Variants in SEMA4F observed in about 807,000 individuals in gnomAD.
SEMA4F encodes the protein ssemaphorin 4F, also known as semaphorin-4F.
In SEMA4F, 51 loss-of-function variants were observed where a neutral mutation model predicts 78.4. That is an observed-to-expected ratio of 0.65 (90% confidence interval 0.52 to 0.82). SEMA4F has a LOEUF of 0.82. Among genes scored for constraint, SEMA4F ranks in the 40% least tolerant of loss-of-function variants. The pLI, the probability that SEMA4F is intolerant of heterozygous loss-of-function variation, is 0.00. For synonymous variants in SEMA4F, 418 were observed against 408.7 expected, an observed-to-expected ratio of 1.02 and a Z score of -0.27; for missense variants, 938 against 1,014.4, an observed-to-expected ratio of 0.92 and a Z score of 1.02.
At chr2:74,666,412 C>CT (rs75081488) in intron 5 of SEMA4F, among the ~76,000 whole-genome samples, 125 of 143,266 alleles carry the variant, frequency 8.7e-4, no homozygotes, top group East Asian at 1.2e-3. Flanking sequence ...GGTTTTAAGT[C>CT]TTTTTTTTTT....
chr2:74,655,810 C>T (rs1169907263), intron 1 of SEMA4F, among the ~76,000 whole-genome samples: 1 of 151,984 alleles, frequency 6.6e-6, no homozygotes, highest in African/African-American at 2.4e-5. Flanking sequence ...GGGCGGGACT[C>T]ATCAGTACAT....
At chr2:74,688,277 T>C (rs1025171118), downstream of SEMA4F, among the ~76,000 whole-genome samples, 2 of 152,096 alleles carry the variant, frequency 1.3e-5, no homozygotes, top group Admixed American at 6.5e-5. Context: ...CTTCCTAGAG[T>C]GGAGTGGTGT....
chr2:74,665,745 A>G (rs1684659383), intron 5 of SEMA4F, among the ~76,000 whole-genome samples: 1 of 152,158 alleles, frequency 6.6e-6, no homozygotes, highest in Admixed American at 6.5e-5. Flanking sequence ...TTTTTAATCA[A>G]CATCTTTGAT....
At chr2:74,695,488 T>C in the SEMA4F span, among the ~76,000 whole-genome samples, 3 of 152,192 alleles carry the variant, frequency 2.0e-5, no homozygotes, top group East Asian at 5.8e-4. Flanking sequence ...CCTCTACCCA[T>C]GGATTTCTGT....
In SEMA4F at chr2:74,654,540, C is replaced by T. The variant is rs895121015; in HGVS notation, c.145+19C>T. 3.3e-6 allele frequency: 5 copies of T among 1,530,840 alleles called. No homozygotes were observed. In the African/African-American group the frequency reaches 7.1e-5, roughly 22 times the overall value. The allele number at this position is 1,530,840 out of a possible 1,614,324, so 94.8% of individuals were successfully genotyped here. On this transcript the variant is annotated intron_variant, in intron 1 of 13. Transcript: ENST00000357877. ...ATCTCTGGTAAGGCGCGGACGCCCA[C>T]GCCCTCAGCCCTTCGCGCCCACACC...
At position 74,673,811 on chromosome 2, in the gene SEMA4F, G is replaced by T; in HGVS notation, c.805G>T (p.Val269Leu). ...DSYERIKVPR[V>L]ARVCAGDLGG... ...ATACGAGCGCATTAAAGTCCCACGG[G>T]TGGCCCGTGTGTGTGCGGTGAGACC... Residue 269 changes from valine to leucine, a missense_variant, in exon 7 of 14, where the codon GTG becomes TTG. Val to Leu is a conservative substitution (Grantham distance 32). Coordinates refer to ENST00000357877, the MANE Select transcript of SEMA4F (RefSeq NM_004263.5). The T allele has an allele frequency of 1.2e-6, 2 of 1,613,840 alleles. No individual in the cohort carries two copies. Among genetic ancestry groups the T allele is most frequent in the Non-Finnish European group, 1.7e-6 (2 of 1,179,868 alleles).
At chr2:74,666,485 C>T (rs1684703946) in intron 5 of SEMA4F, among the ~76,000 whole-genome samples, 1 of 151,890 alleles carries the variant, frequency 6.6e-6, no homozygotes, top group South Asian at 2.1e-4. Context: ...GAACTCACTT[C>T]CTAATGGTTT....
At chr2:74,706,708 CTT>C in the SEMA4F span, among the ~76,000 whole-genome samples, 2 of 152,214 alleles carry the variant, frequency 1.3e-5, no homozygotes, top group African/African-American at 2.4e-5. Context: ...CGGTTAATCT[CTT>C]TGCATTTATT....
At chr2:74,701,293 C>G in the SEMA4F span, among the ~76,000 whole-genome samples, 92 of 152,260 alleles carry the variant, frequency 6.0e-4, no homozygotes, top group South Asian at 6.0e-3. Context: ...CTTACCCAGC[C>G]TGGGACCCAC....
the SEMA4F span, among the ~76,000 whole-genome samples, chr2:74,693,790 C>A: frequency 7.9e-5 from 12 of 151,964 alleles, no homozygotes; most frequent in Non-Finnish European, 1.6e-4. Context: ...TAGGGTGTTT[C>A]CTCATTTTTT....
At chr2:74,688,281 G>C (rs1573280971), downstream of SEMA4F, among the ~76,000 whole-genome samples, 1 of 152,196 alleles carries the variant, frequency 6.6e-6, no homozygotes, top group South Asian at 2.1e-4. Context: ...CTAGAGTGGA[G>C]TGGTGTTTCC....
At chr2:74,690,024 C>A in the SEMA4F span, among the ~76,000 whole-genome samples, 181 of 152,314 alleles carry the variant, frequency 1.2e-3, 2 homozygotes, top group Middle Eastern at 6.8e-3. Flanking sequence ...AAGATACCCA[C>A]GCACAGAATT....
Position 74,657,948 on chromosome 2 carries a change from T to G in SEMA4F, c.453T>G (p.Val151=), listed in dbSNP as rs770107854. ...TCGCTTTTGATCCGAAGTGCGGGGT[T>G]ATTGTGAGTGACGGTGTGGGAGGAG... is the stretch of plus-strand genomic sequence containing the variant. ...GTFAFDPKCG[V]IDVSRFQQVE... The change falls in exon 4 of 14, where the codon GTT becomes GTG. Residue 151 remains valine, a synonymous_variant. Coordinates refer to ENST00000357877, the MANE Select transcript of SEMA4F (RefSeq NM_004263.5). 1 of 1,613,878 alleles carries G rather than the reference T, an allele frequency of 6.2e-7. No individual in the cohort carries two copies. Among genetic ancestry groups the G allele is most frequent in the Non-Finnish European group, 8.5e-7 (1 of 1,179,754 alleles).
intron 13 of SEMA4F, 67 bp downstream of exon 13, chr2:74,679,401 T>C (rs1399663319): frequency 6.6e-7 from 1 of 1,507,380 alleles, no homozygotes; most frequent in Non-Finnish European, 9.2e-7. Flanking sequence ...AGAGAGTTGT[T>C]CATTTTGGAA....
chr2:74,676,886 T>C (rs1342232048), intron 12 of SEMA4F, among the ~76,000 whole-genome samples: 2 of 152,108 alleles, frequency 1.3e-5, no homozygotes, highest in African/African-American at 2.4e-5. Flanking sequence ...CTCTACTAGA[T>C]AAGGAGTTTT....
intron 5 of SEMA4F, among the ~76,000 whole-genome samples, chr2:74,667,931 C>T (rs1684778348): frequency 6.6e-6 from 1 of 152,196 alleles, no homozygotes; most frequent in Non-Finnish European, 1.5e-5. Context: ...GAGGTACAGA[C>T]CACACATCCA....
intron 8 of SEMA4F, 77 bp from the exon 9 acceptor site, chr2:74,674,811 G>C: frequency 6.4e-7 from 1 of 1,566,600 alleles, no homozygotes; most frequent in Admixed American, 1.8e-5. Context: ...TTTCTCGGGG[G>C]TCATCTCATT....
At chr2:74,694,867 T>C in the SEMA4F span, among the ~76,000 whole-genome samples, 6 of 151,978 alleles carry the variant, frequency 3.9e-5, no homozygotes, top group Non-Finnish European at 7.3e-5. Context: ...AGCCTGTTTC[T>C]TTTTAGTGCT....
At position 74,682,954 on chromosome 2, in the gene SEMA4F, A is replaced by G. The variant is rs551562213; in HGVS notation, c.*2745A>G. On this transcript the variant is annotated 3_prime_UTR_variant, in exon 14 of 14. Coordinates refer to ENST00000357877, the MANE Select transcript of SEMA4F (RefSeq NM_004263.5). The stretch of plus-strand genomic sequence containing the variant: ...TACCCTGCCTCAGTCATTCCTTCCA[A>G]TGGAAACCACAATAAGCACTCTTGC... 1.3e-5 allele frequency: 2 copies of G among 152,276 alleles called. No homozygotes were observed. Among genetic ancestry groups the G allele is most frequent in the Admixed American group, 6.6e-5 (1 of 15,266 alleles). The allele number at this position is 152,276 out of a possible 1,614,324, so 9.4% of individuals were successfully genotyped here. A position where few individuals can be genotyped will look rare whatever the true frequency, so the allele number is the denominator to read the frequency against.
Sources: allele counts gnomAD v4.1 joint callset (sites outside exome capture counted in the v4.1 genomes callset), GRCh38; gene constraint gnomAD v4.1.1; transcripts MANE v1.5; gene names NCBI Gene and HGNC (gene_info 2026-07-23, HGNC 2026-07-21).